PTCSC3: variants seen among roughly 807,000 people sequenced by gnomAD.
PTCSC3 encodes papillary thyroid carcinoma susceptibility candidate 3.
chr14:36,168,360 AATATATATATATATATATAT>A lies in PTCSC3; in HGVS notation n.172-5697_172-5678del, dbSNP rs147400390. On this transcript the variant is annotated intron_variant and non_coding_transcript_variant, in intron 1 of 3. Coordinates refer to ENST00000556013, the Ensembl canonical transcript of PTCSC3. Reference sequence around the variant, plus strand: ...TTGGGAGTTTAAACTATTGATTCTGAATATATATATATATATATATATATATATATATATATATTCTACTT... The same window carrying A: ...TTGGGAGTTTAAACTATTGATTCTGAATATATATATATATATATTCTACTT... 5.3e-4 allele frequency among the ~76,000 whole-genome samples: 60 copies of A among 113,900 alleles called. 2 individuals are homozygous for A. The highest frequency in any genetic ancestry group is 2.8e-3 in the East Asian group (11 of 3,992). 74.7% of individuals were successfully genotyped at this position (113,900 alleles called of 152,430 possible).
intron 1 of PTCSC3, among the ~76,000 whole-genome samples, chr14:36,170,189 A>G (rs927068882): frequency 1.3e-5 from 2 of 151,700 alleles, no homozygotes; most frequent in Admixed American, 6.6e-5. Flanking sequence ...AAAAATATTT[A>G]TAAATAAATA....
At chr14:36,146,298 A>G (rs1449264955) in intron 3 of PTCSC3, among the ~76,000 whole-genome samples, 2 of 148,426 alleles carry the variant, frequency 1.3e-5, no homozygotes, top group African/African-American at 5.0e-5. Context: ...TGGGAGTCTA[A>G]TTCTCTTTGT....
intron 3 of PTCSC3, among the ~76,000 whole-genome samples, chr14:36,148,362 G>A (rs530757737): frequency 0.018 from 2,688 of 152,194 alleles, 74 homozygotes; most frequent in African/African-American, 0.058. Context: ...ATATAATGTC[G>A]TGGTGCGCCG....
chr14:36,152,412 A>G (rs1050976616), intron 3 of PTCSC3, among the ~76,000 whole-genome samples: 1 of 152,250 alleles, frequency 6.6e-6, no homozygotes, highest in Admixed American at 6.5e-5. Flanking sequence ...CTACAATTGC[A>G]CTTGTGAATA....
Position 36,143,657 on chromosome 14 carries a change from G to C in PTCSC3, n.323-7301C>G, listed in dbSNP as rs1198646555. On this transcript the variant is annotated intron_variant and non_coding_transcript_variant, in intron 3 of 3. Coordinates refer to ENST00000556013, the Ensembl canonical transcript of PTCSC3. The stretch of plus-strand genomic sequence containing the variant: ...TCTTTTGCTATGCAGAAGCTCTTTA[G>C]TTTAATTAGATCCCATTTGTCAATT... 2.0e-5 allele frequency among the ~76,000 whole-genome samples: 3 copies of C among 149,440 alleles called. No homozygotes were observed. The East Asian group carries it at 5.9e-4, about 30-fold the overall frequency.
chr14:36,156,848 G>A (rs1009300260), intron 2 of PTCSC3, among the ~76,000 whole-genome samples: 1 of 152,090 alleles, frequency 6.6e-6, no homozygotes, highest in Non-Finnish European at 1.5e-5. Context: ...AGTGTTTGCT[G>A]TTGTGAACAG....
At chr14:36,135,703 G>A (rs1881270139), downstream of PTCSC3, among the ~76,000 whole-genome samples, 2 of 152,080 alleles carry the variant, frequency 1.3e-5, no homozygotes, top group Non-Finnish European at 2.9e-5. Context: ...GCACAAACTT[G>A]TTATTTGCTG....
chr14:36,151,328 T>C (rs1169126), intron 3 of PTCSC3, among the ~76,000 whole-genome samples: 2 of 152,174 alleles, frequency 1.3e-5, no homozygotes, highest in Non-Finnish European at 2.9e-5. Context: ...GTTTTGTTTT[T>C]GGTTTCCTAC....
intron 2 of PTCSC3, among the ~76,000 whole-genome samples, chr14:36,156,986 C>T (rs972828535): frequency 3.9e-5 from 6 of 152,124 alleles, no homozygotes; most frequent in African/African-American, 1.2e-4. Context: ...GAGGAATCGC[C>T]ACACTGTCTT....
intron 3 of PTCSC3, among the ~76,000 whole-genome samples, chr14:36,139,649 CA>C (rs1435946959): frequency 6.6e-6 from 1 of 152,086 alleles, no homozygotes; most frequent in Non-Finnish European, 1.5e-5. Flanking sequence ...ACACAAAAAT[CA>C]ATTTTATGTG....
At chr14:36,145,873 G>A (rs879327418) in intron 3 of PTCSC3, among the ~76,000 whole-genome samples, 37 of 148,960 alleles carry the variant, frequency 2.5e-4, no homozygotes, top group East Asian at 5.9e-4. Context: ...CTTTGTTCTC[G>A]TTGGTTTCAA....
At chr14:36,174,958 T>A (rs1479326707) in intron 1 of PTCSC3, among the ~76,000 whole-genome samples, 8 of 152,172 alleles carry the variant, frequency 5.3e-5, no homozygotes, top group Admixed American at 5.2e-4. Flanking sequence ...CTCTAGAATC[T>A]TGGTTCCACT....
intron 1 of PTCSC3, among the ~76,000 whole-genome samples, chr14:36,170,728 C>T (rs976022112): frequency 2.0e-5 from 3 of 152,070 alleles, no homozygotes; most frequent in Non-Finnish European, 4.4e-5. Flanking sequence ...GTTGCCCTTT[C>T]CCAGGTTGCC....
rs1881374510 is a variant in PTCSC3, at chr14:36,139,673, ATAGGCTATATTT to A, written n.323-3329_323-3318del. Among the ~76,000 whole-genome samples the A allele has an allele frequency of 4.6e-5, 7 of 152,252 alleles. No homozygotes were observed. The South Asian group carries it at 1.4e-3, about 31-fold the overall frequency. On this transcript the variant is annotated intron_variant and non_coding_transcript_variant, in intron 3 of 3. Transcript: ENST00000556013. ...TCAATTTTATGTGGGTTAAAAATTA[ATAGGCTATATTT>A]TAGAGCTAAAACTTAAAACTATAGA... is the stretch of plus-strand genomic sequence containing the variant.
intron 1 of PTCSC3, among the ~76,000 whole-genome samples, chr14:36,168,360 AATATATATATAT>A (rs147400390): frequency 0.49 from 55,318 of 113,872 alleles, 14,256 homozygotes; most frequent in Non-Finnish European, 0.58. Flanking sequence ...ATTGATTCTG[AATATATATATAT>A]ATATATATAT....
intron 3 of PTCSC3, among the ~76,000 whole-genome samples, chr14:36,136,588 A>T (rs1177841716): frequency 6.6e-6 from 1 of 152,164 alleles, no homozygotes; most frequent in African/African-American, 2.4e-5. Flanking sequence ...GAATGGAAGT[A>T]TGAGGAAGGG....
chr14:36,153,530 T>C (rs920680652), intron 3 of PTCSC3, among the ~76,000 whole-genome samples: 1 of 152,202 alleles, frequency 6.6e-6, no homozygotes, highest in Non-Finnish European at 1.5e-5. Flanking sequence ...AGGAGATTAT[T>C]TGTACAACCA....
chr14:36,165,051 A>G (rs996794280), intron 1 of PTCSC3: 1 of 152,336 alleles, frequency 6.6e-6, no homozygotes, highest in East Asian at 1.9e-4. Context: ...TCATTATGCA[A>G]ATAAAGAGCC....
At chr14:36,175,963 T>C (rs1490920081) in intron 1 of PTCSC3, among the ~76,000 whole-genome samples, 1 of 152,140 alleles carries the variant, frequency 6.6e-6, no homozygotes, top group Non-Finnish European at 1.5e-5. Flanking sequence ...ATAAGTGTAT[T>C]AAATTCATGT....
Sources: gnomAD v4.1 joint callset for allele counts (sites outside exome capture counted in the v4.1 genomes callset) on GRCh38, gnomAD v4.1.1 for gene constraint, MANE v1.5 for transcripts, NCBI Gene and HGNC (gene_info 2026-07-23, HGNC 2026-07-21) for gene names.